The following FGF2 variants were observed in gnomAD, a reference collection of about 807,000 sequenced individuals.
FGF2 encodes the protein basic fibroblast growth factor bFGF.
A neutral mutation model predicts 15.9 loss-of-function variants in FGF2; 13 were observed. The ratio of observed to expected loss-of-function variants is 0.82; its 90% CI spans 0.53 to 1.30. The LOEUF is 1.30. Ranked by LOEUF, FGF2 falls within the 50% of genes most tolerant of loss-of-function variation. The pLI is 0.00. For missense variants in FGF2, 163 were observed against 196.9 expected, an observed-to-expected ratio of 0.83 and a Z score of 1.03; for synonymous variants, 90 against 78.4, an observed-to-expected ratio of 1.15 and a Z score of -0.78.
At chr4:122,843,383 A>G (rs1221347722) in intron 1 of FGF2, among the ~76,000 whole-genome samples, 1 of 152,246 alleles carries the variant, frequency 6.6e-6, no homozygotes, top group Non-Finnish European at 1.5e-5. Flanking sequence ...CTGGATTATG[A>G]TGGGCCTTGC....
intron 1 of FGF2, among the ~76,000 whole-genome samples, chr4:122,844,586 T>TCTTTCTTTCTTTCTTTCTTCCTTCCTTC (rs1419377686): frequency 3.2e-4 from 43 of 133,866 alleles, no homozygotes; most frequent in African/African-American, 1.3e-3. Flanking sequence ...TTTCTTTCTT[T>TCTTTCTTTCTTTCTTTCTTCCTTCCTTC]CTTCCTTCCT....
chr4:122,871,941 C>T (rs1291535196), intron 1 of FGF2, among the ~76,000 whole-genome samples: 3 of 151,946 alleles, frequency 2.0e-5, no homozygotes, highest in African/African-American at 7.3e-5. Flanking sequence ...TGATGAAAAC[C>T]CAAAAGGCCA....
intron 1 of FGF2, among the ~76,000 whole-genome samples, chr4:122,856,900 A>G (rs2150774141): frequency 6.6e-6 from 1 of 152,260 alleles, no homozygotes; most frequent in Non-Finnish European, 1.5e-5. Context: ...CATTTCTATA[A>G]TTTTGTGGGC....
In FGF2 at chr4:122,893,479, C is replaced by T. The variant is rs1327794813; in HGVS notation, c.*1083C>T. The T allele has an allele frequency of 1.2e-5, 4 of 345,908 alleles. No homozygotes were observed. The highest frequency in any genetic ancestry group is 8.4e-5 in the African/African-American group (4 of 47,354). The allele number at this position is 345,908 out of a possible 1,614,324, so 21.4% of individuals were successfully genotyped here. A position where few individuals can be genotyped will look rare whatever the true frequency, so the allele number is the denominator to read the frequency against. ...CTACTTGGAGGCTTATCTACCTGTACATTTTTGGGGTCAGCTCTTTTTAAC... is the reference window on the plus strand; with the variant it reads ...CTACTTGGAGGCTTATCTACCTGTATATTTTTGGGGTCAGCTCTTTTTAAC... On this transcript the variant is annotated 3_prime_UTR_variant, in exon 3 of 3. Coordinates refer to ENST00000644866, the MANE Select transcript of FGF2 (RefSeq NM_001361665.2).
Position 122,893,278 on chromosome 4 carries a change from G to C in FGF2, c.*882G>C. 2.0e-6 allele frequency: 3 copies of C among 1,489,820 alleles called. No homozygotes were observed. In the South Asian group the frequency reaches 4.2e-5, roughly 21 times the overall value. The allele number at this position is 1,489,820 out of a possible 1,614,324, so 92.3% of individuals were successfully genotyped here. ...AATAATAATTACACTTTTAGAAACT[G>C]TATCATCAAAGATTTTCAGTTAAAG... On this transcript the variant is annotated 3_prime_UTR_variant, in exon 3 of 3. Coordinates refer to ENST00000644866, the MANE Select transcript of FGF2 (RefSeq NM_001361665.2).
Position 122,837,983 on chromosome 4 carries a change from A to G in FGF2, c.178+10631A>G, listed in dbSNP as rs140851161. Among the ~76,000 whole-genome samples, 600 of 152,312 alleles carry G rather than the reference A, an allele frequency of 3.9e-3. 5 individuals carry two copies. The highest frequency in any genetic ancestry group is 3.8e-3 in the Non-Finnish European group (256 of 68,030). ...GTTAGTTCTCCTTACATATTTATAT[A>G]TATCTACATTACTCTGAACTCAGTA... On this transcript the variant is annotated intron_variant, in intron 1 of 2. Transcript: ENST00000644866.
Position 122,827,053 on chromosome 4 carries a change from TG to T in FGF2, c.-116del, listed in dbSNP as rs1288665423. 23 of 1,109,486 alleles carry T rather than the reference TG, an allele frequency of 2.1e-5. No individual in the cohort carries two copies. Among genetic ancestry groups the T allele is most frequent in the Non-Finnish European group, 2.4e-5 (22 of 912,750 alleles). 68.7% of individuals were successfully genotyped at this position (1,109,486 alleles called of 1,614,324 possible). Reference sequence around the variant, plus strand: ...GGCCGCGCGCTGCCGGGCGGGAGGCTGGGGGGCCGGGGCCGGGGCCGTGCCC... The same window carrying T: ...GGCCGCGCGCTGCCGGGCGGGAGGCTGGGGGCCGGGGCCGGGGCCGTGCCC... On this transcript the variant is annotated 5_prime_UTR_variant, in exon 1 of 3. Coordinates refer to ENST00000644866, the MANE Select transcript of FGF2 (RefSeq NM_001361665.2). The surrounding 1 kb of genome is among the most constrained non-coding windows in gnomAD (Gnocchi z 4.2).
At chr4:122,839,602 C>T (rs1197420176) in intron 1 of FGF2, among the ~76,000 whole-genome samples, 1 of 152,158 alleles carries the variant, frequency 6.6e-6, no homozygotes, top group African/African-American at 2.4e-5. Context: ...ATGGTATCAC[C>T]ATCTTCCTTG....
chr4:122,838,583 A>G (rs1035188289), intron 1 of FGF2, among the ~76,000 whole-genome samples: 5 of 152,208 alleles, frequency 3.3e-5, no homozygotes, highest in African/African-American at 1.2e-4. Context: ...ATACAAGTTC[A>G]TGGCCAGAAT....
In FGF2 at chr4:122,876,535, A is replaced by G. The variant is rs1726849865; in HGVS notation, c.282+111A>G. Reference sequence around the variant, plus strand: ...AAAGGATTTTACGTGTATCATCGTCATAGTCACCCTGTAAAATAGGGAGTA... The same window carrying G: ...AAAGGATTTTACGTGTATCATCGTCGTAGTCACCCTGTAAAATAGGGAGTA... On this transcript the variant is annotated intron_variant, in intron 2 of 2. Transcript: ENST00000644866. 5.4e-6 allele frequency: 4 copies of G among 746,864 alleles called. No individual in the cohort carries two copies. The East Asian group carries it at 1.1e-4, about 20-fold the overall frequency. 46.3% of individuals were successfully genotyped at this position (746,864 alleles called of 1,614,324 possible). A position where few individuals can be genotyped will look rare whatever the true frequency, so the allele number is the denominator to read the frequency against.
Position 122,844,003 on chromosome 4 carries a change from C to T in FGF2, c.178+16651C>T, listed in dbSNP as rs146486272. On this transcript the variant is annotated intron_variant, in intron 1 of 2. Transcript: ENST00000644866. ...TAAAATAAGACAACAGTGAAATTTG[C>T]GGCATCAGTTGACTTATCCTATCAC... Among the ~76,000 whole-genome samples the T allele has an allele frequency of 6.5e-4, 99 of 152,226 alleles. 1 individual carries two copies. Among genetic ancestry groups the T allele is most frequent in the Middle Eastern group, 3.4e-3 (1 of 294 alleles).
intron 1 of FGF2, among the ~76,000 whole-genome samples, chr4:122,856,331 A>G (rs1246460416): frequency 2.0e-5 from 3 of 152,174 alleles, no homozygotes; most frequent in Non-Finnish European, 4.4e-5. Flanking sequence ...TTGTACCTGA[A>G]TGGGACCTAG....
intron 1 of FGF2, among the ~76,000 whole-genome samples, chr4:122,847,282 G>A (rs1759728704): frequency 6.6e-6 from 1 of 152,112 alleles, no homozygotes; most frequent in African/African-American, 2.4e-5. Context: ...TTATACTCAC[G>A]GAACAATGAC....
At chr4:122,840,564 T>G (rs1725961058) in intron 1 of FGF2, 1 of 159,470 alleles carries the variant, frequency 6.3e-6, no homozygotes, top group Admixed American at 6.3e-5. Context: ...TACATTGCTG[T>G]GTCAGTTGTG....
chr4:122,852,652 C>G (rs308440), intron 1 of FGF2, among the ~76,000 whole-genome samples: 5,381 of 152,254 alleles, frequency 0.035, 127 homozygotes, highest in South Asian at 0.1. Context: ...CCAACTTTCC[C>G]TTAATTGTTT....
chr4:122,877,204 G>T (rs544496110), intron 2 of FGF2, among the ~76,000 whole-genome samples: 1 of 151,870 alleles, frequency 6.6e-6, no homozygotes, highest in South Asian at 2.1e-4. Flanking sequence ...CTGCCTTCTG[G>T]GTTCAAGCAA....
intron 1 of FGF2, among the ~76,000 whole-genome samples, chr4:122,856,395 G>A (rs1342793397): frequency 6.6e-6 from 1 of 152,150 alleles, no homozygotes; most frequent in Non-Finnish European, 1.5e-5. Flanking sequence ...AAATACAGTG[G>A]AGGCTATTTG....
chr4:122,865,971 A>AT (rs35168640), intron 1 of FGF2, among the ~76,000 whole-genome samples: 3 of 152,242 alleles, frequency 2.0e-5, no homozygotes, highest in African/African-American at 4.8e-5. Context: ...TTAGGCAGTG[A>AT]TTTTTTAGAT....
At chr4:122,844,618 T>TTCCTTCCTTCCTTCCTTC (rs1726070728) in intron 1 of FGF2, among the ~76,000 whole-genome samples, 36 of 110,768 alleles carry the variant, frequency 3.3e-4, no homozygotes, top group African/African-American at 2.0e-3. Context: ...TTCCTTCCTT[T>TTCCTTCCTTCCTTCCTTC]CTTTCTTCCT....
Sources: allele counts gnomAD v4.1 joint callset (sites outside exome capture counted in the v4.1 genomes callset), GRCh38; gene constraint gnomAD v4.1.1; non-coding constraint Gnocchi (gnomAD v3.1); transcripts MANE v1.5; gene names NCBI Gene and HGNC (gene_info 2026-07-23, HGNC 2026-07-21).